The following SBF2 variants were observed in gnomAD, a reference collection of about 807,000 sequenced individuals.
The protein encoded by SBF2 is myotubularin-related protein 13.
SBF2 carries 112 observed loss-of-function variants against 225.2 expected under a neutral mutation model. The observed-to-expected ratio is 0.50, with a 90% CI of 0.43 to 0.58. The LOEUF is 0.58. Ranked by LOEUF, SBF2 falls within the 20% of genes least tolerant of loss-of-function variation. The pLI is 0.00. For synonymous variants in SBF2, 763 were observed against 773.3 expected (o/e 0.99, Z 0.22); for missense variants, 1,996 against 2,206.2 (o/e 0.90, Z 1.91).
intron 2 of SBF2, among the ~76,000 whole-genome samples, chr11:10,074,865 G>A (rs1014600850): frequency 6.6e-6 from 1 of 152,050 alleles, no homozygotes; most frequent in Non-Finnish European, 1.5e-5. Flanking sequence ...GCTAAATATA[G>A]CCAATGTTAA....
At chr11:10,120,709 C>T (rs1481911290) in intron 2 of SBF2, among the ~76,000 whole-genome samples, 1 of 152,216 alleles carries the variant, frequency 6.6e-6, no homozygotes, top group African/African-American at 2.4e-5. Flanking sequence ...CAACCTCCGC[C>T]TCCGGGTTCA....
At chr11:9,907,917 G>A (rs1862236650) in intron 16 of SBF2, among the ~76,000 whole-genome samples, 1 of 152,182 alleles carries the variant, frequency 6.6e-6, no homozygotes, top group Non-Finnish European at 1.5e-5. Flanking sequence ...CCTCTCAGAG[G>A]TTAAATTATT....
intron 2 of SBF2, among the ~76,000 whole-genome samples, chr11:10,134,496 A>C (rs900381609): frequency 5.9e-5 from 9 of 152,194 alleles, no homozygotes; most frequent in African/African-American, 2.4e-5. Flanking sequence ...AGACAAGGCA[A>C]GTCCTTTCTG....
At chr11:9,978,903 G>A (rs1345121710) in intron 13 of SBF2, among the ~76,000 whole-genome samples, 9 of 152,198 alleles carry the variant, frequency 5.9e-5, no homozygotes, top group African/African-American at 2.2e-4. Flanking sequence ...GGAGGCTGAG[G>A]TAGGAGGATT....
chr11:9,959,008 T>G, intron 16 of SBF2: 1 of 1,045,962 alleles, frequency 9.6e-7, no homozygotes, highest in East Asian at 2.4e-5. Flanking sequence ...CTCAATGTAT[T>G]TCAGACCATT....
intron 29 of SBF2, among the ~76,000 whole-genome samples, chr11:9,814,026 T>A (rs1564877573): frequency 6.6e-6 from 1 of 152,216 alleles, no homozygotes; most frequent in Non-Finnish European, 1.5e-5. Context: ...AATATATGTA[T>A]CAACCTATAT....
chr11:9,957,889 GA>G (rs1057191313), intron 16 of SBF2: 3 of 151,792 alleles, frequency 2.0e-5, no homozygotes, highest in African/African-American at 7.3e-5. Context: ...GTGTTCAGAG[GA>G]GAGCATTTCA....
chr11:10,239,742 A>T (rs1352779130), intron 1 of SBF2, among the ~76,000 whole-genome samples: 4,101 of 148,446 alleles, frequency 0.028, 149 homozygotes, highest in South Asian at 0.062. Flanking sequence ...TGGTCAAGAG[A>T]AAACGCAAAA....
intron 1 of SBF2, among the ~76,000 whole-genome samples, chr11:10,227,123 C>A (rs1435769759): frequency 2.6e-5 from 4 of 152,058 alleles, no homozygotes; most frequent in African/African-American, 7.2e-5. Context: ...TAAATGTCTT[C>A]TTTTGAGAAG....
intron 13 of SBF2, among the ~76,000 whole-genome samples, chr11:9,989,038 A>G (rs1330717386): frequency 6.6e-6 from 1 of 151,424 alleles, no homozygotes; most frequent in Middle Eastern, 3.3e-3. Context: ...AAACTGTGCC[A>G]AATATATATA....
intron 1 of SBF2, among the ~76,000 whole-genome samples, chr11:10,257,948 C>A (rs1384389443): frequency 6.6e-6 from 1 of 152,044 alleles, no homozygotes; most frequent in Non-Finnish European, 1.5e-5. Context: ...TAGAGCAAGA[C>A]TGTCTCAAAA....
At chr11:9,840,540 A>G (rs1180337886) in intron 25 of SBF2, among the ~76,000 whole-genome samples, 1 of 152,208 alleles carries the variant, frequency 6.6e-6, no homozygotes, top group Non-Finnish European at 1.5e-5. Flanking sequence ...AGGCTTGCTT[A>G]TTGTCAAATT....
chr11:9,900,698 G>A (rs1008758484), intron 16 of SBF2, among the ~76,000 whole-genome samples: 1 of 151,950 alleles, frequency 6.6e-6, no homozygotes, highest in African/African-American at 2.4e-5. Context: ...TTTCTTTTGC[G>A]GCACTGAAAC....
At chr11:9,789,999 A>G (rs1852638173) in intron 34 of SBF2, among the ~76,000 whole-genome samples, 1 of 152,100 alleles carries the variant, frequency 6.6e-6, no homozygotes, top group African/African-American at 2.4e-5. Context: ...GGGTTCTATG[A>G]TTGGGGCCCA....
At chr11:10,155,359 C>A (rs1955418762) in intron 2 of SBF2, among the ~76,000 whole-genome samples, 1 of 151,892 alleles carries the variant, frequency 6.6e-6, no homozygotes, top group Non-Finnish European at 1.5e-5. Context: ...ACACTGTTGC[C>A]ATGCTCTGTT....
chr11:9,936,475 A>T (rs1442713794), intron 16 of SBF2, among the ~76,000 whole-genome samples: 1 of 152,226 alleles, frequency 6.6e-6, no homozygotes, highest in Non-Finnish European at 1.5e-5. Flanking sequence ...AGGATTATAA[A>T]TCATGCTACT....
At chr11:9,943,208 C>T (rs1055819188) in intron 16 of SBF2, among the ~76,000 whole-genome samples, 5 of 152,100 alleles carry the variant, frequency 3.3e-5, no homozygotes, top group Non-Finnish European at 5.9e-5. Context: ...GGATCTCTAC[C>T]TCACACAATT....
At chr11:10,130,484 TC>T (rs1953987831) in intron 2 of SBF2, among the ~76,000 whole-genome samples, 1 of 152,082 alleles carries the variant, frequency 6.6e-6, no homozygotes, top group Admixed American at 6.6e-5. Context: ...TACAATGAGG[TC>T]CCCTGTACTC....
At chr11:9,858,969 T>C (rs1342546715) in intron 17 of SBF2, among the ~76,000 whole-genome samples, 1 of 152,176 alleles carries the variant, frequency 6.6e-6, no homozygotes, top group African/African-American at 2.4e-5. Flanking sequence ...TCTAGAAGAC[T>C]GCCCTGGGCT....
Sources: gnomAD v4.1 joint callset for allele counts (sites outside exome capture counted in the v4.1 genomes callset) on GRCh38, gnomAD v4.1.1 for gene constraint, MANE v1.5 for transcripts, NCBI Gene and HGNC (gene_info 2026-07-23, HGNC 2026-07-21) for gene names.